Variants in RERE observed in about 807,000 individuals in gnomAD.
RERE encodes arginine-glutamic acid dipeptide repeats, also known as arginine-glutamic acid dipeptide repeats protein.
Under a neutral mutation model 146.1 loss-of-function variants are expected in RERE, and 40 were observed. The observed-to-expected ratio is 0.27, with a 90% confidence interval of 0.21 to 0.36. The LOEUF is 0.36. Ranked by LOEUF, RERE falls within the 10% of genes least tolerant of loss-of-function variation. RERE has a pLI of 1.00. For missense variants in RERE, 1,933 were observed against 2,138.7 expected, an observed-to-expected ratio of 0.90 and a Z score of 1.90; for synonymous variants, 1,003 against 866.0, an observed-to-expected ratio of 1.16 and a Z score of -2.78.
chr1:8,769,478 A>G (rs886440281), intron 1 of RERE, among the ~76,000 whole-genome samples: 1 of 152,094 alleles, frequency 6.6e-6, no homozygotes, highest in Non-Finnish European at 1.5e-5. Flanking sequence ...GATGTAAAAC[A>G]CATCATTTTG....
intron 12 of RERE, among the ~76,000 whole-genome samples, chr1:8,417,052 A>T (rs1240218965): frequency 6.6e-6 from 1 of 152,240 alleles, no homozygotes; most frequent in East Asian, 1.9e-4. Flanking sequence ...ACATTTGCAC[A>T]TTCTCAGTAG....
chr1:8,718,719 G>C (rs900969866), intron 1 of RERE, among the ~76,000 whole-genome samples: 1 of 152,216 alleles, frequency 6.6e-6, no homozygotes, highest in Non-Finnish European at 1.5e-5. Context: ...CTCTAGCTCT[G>C]GAGTCAGATG....
chr1:8,617,097 C>T (rs779183216), intron 3 of RERE, among the ~76,000 whole-genome samples: 2 of 152,074 alleles, frequency 1.3e-5, no homozygotes, highest in Non-Finnish European at 2.9e-5. Context: ...GTAATCCCAA[C>T]ACTTTGGGAG....
rs1327138966 is a variant in RERE, at chr1:8,352,406, G to A, written c.*2681C>T. 2.0e-5 allele frequency: 3 copies of A among 152,448 alleles called. No individual in the cohort carries two copies. Among genetic ancestry groups the A allele is most frequent in the Non-Finnish European group, 2.9e-5 (2 of 68,044 alleles). The allele number at this position is 152,448 out of a possible 1,614,324, so 9.4% of individuals were successfully genotyped here. A position where few individuals can be genotyped will look rare whatever the true frequency, so the allele number is the denominator to read the frequency against. On this transcript the variant is annotated 3_prime_UTR_variant, in exon 23 of 23. Transcript: ENST00000400908. ...AGTGCACGGGAGACACCCAAGGGTT[G>A]TAGTGTAGCTTGGTTTTATTTATGT... is the stretch of plus-strand genomic sequence containing the variant.
intron 10 of RERE, among the ~76,000 whole-genome samples, chr1:8,466,972 T>C (rs1370797277): frequency 6.6e-6 from 1 of 152,234 alleles, no homozygotes; most frequent in Non-Finnish European, 1.5e-5. Context: ...CTCAGAATTC[T>C]CATTGGAAAT....
chr1:8,431,002 A>G (rs1051599955), intron 11 of RERE, among the ~76,000 whole-genome samples: 2 of 152,182 alleles, frequency 1.3e-5, no homozygotes, highest in Admixed American at 6.5e-5. Flanking sequence ...CCAGAGCCAC[A>G]CTGGGTAGGC....
intron 11 of RERE, among the ~76,000 whole-genome samples, chr1:8,443,426 C>T (rs1644276168): frequency 7.6e-6 from 1 of 132,144 alleles, no homozygotes. Flanking sequence ...GCACTCTAGC[C>T]TGAGTGACAG....
chr1:8,685,449 C>T (rs997055869), intron 1 of RERE, among the ~76,000 whole-genome samples: 3 of 152,040 alleles, frequency 2.0e-5, no homozygotes, highest in Non-Finnish European at 4.4e-5. Flanking sequence ...AGGCCGGGCG[C>T]GGTGGCTCAC....
intron 1 of RERE, among the ~76,000 whole-genome samples, chr1:8,720,077 A>G (rs974304238): frequency 1.3e-4 from 20 of 152,006 alleles, no homozygotes; most frequent in African/African-American, 4.6e-4. Context: ...CATCCTGGCC[A>G]ACATGGTGAA....
intron 1 of RERE, among the ~76,000 whole-genome samples, chr1:8,809,716 T>C (rs1388810815): frequency 6.6e-6 from 1 of 152,244 alleles, no homozygotes; most frequent in African/African-American, 2.4e-5. Flanking sequence ...AAAATGTTTT[T>C]CAGAATACAT....
chr1:8,431,876 A>G lies in RERE; in HGVS notation c.1204-9069T>C, dbSNP rs1644100305. 2.0e-5 allele frequency among the ~76,000 whole-genome samples: 3 copies of G among 152,144 alleles called. No homozygotes were observed. In the South Asian group the frequency reaches 6.2e-4, roughly 32 times the overall value. On this transcript the variant is annotated intron_variant, in intron 11 of 22. Coordinates refer to ENST00000400908, the MANE Select transcript of RERE (RefSeq NM_001042681.2). ...TTTCTGTCAGCTGCAGCAGAGTTCT[A>G]GAAGAAGTGCCTGGCGTGCTCTCTG...
At position 8,355,006 on chromosome 1, in the gene RERE, C is replaced by T; in HGVS notation, c.*81G>A. 8 of 1,143,780 alleles carry T rather than the reference C, an allele frequency of 7.0e-6. No homozygotes were observed. The highest frequency in any genetic ancestry group is 1.0e-5 in the Non-Finnish European group (8 of 776,468). The allele number at this position is 1,143,780 out of a possible 1,614,324, so 70.9% of individuals were successfully genotyped here. A position where few individuals can be genotyped will look rare whatever the true frequency, so the allele number is the denominator to read the frequency against. ...TTAGAAGATATTCTTTTTGCTTTTG[C>T]AGCTCCTATTTTATGTAAAAAGTCC... On this transcript the variant is annotated 3_prime_UTR_variant, in exon 23 of 23. Coordinates refer to ENST00000400908, the MANE Select transcript of RERE (RefSeq NM_001042681.2).
At chr1:8,530,018 T>A (rs1370007831) in intron 7 of RERE, among the ~76,000 whole-genome samples, 1 of 152,140 alleles carries the variant, frequency 6.6e-6, no homozygotes, top group Non-Finnish European at 1.5e-5. Context: ...ACTACCCACC[T>A]GGACCTCACT....
intron 10 of RERE, among the ~76,000 whole-genome samples, chr1:8,472,643 G>C (rs1644703340): frequency 2.0e-5 from 3 of 152,182 alleles, no homozygotes; most frequent in Admixed American, 6.5e-5. Flanking sequence ...AGAGTATAGA[G>C]AACTGTACAT....
intron 12 of RERE, among the ~76,000 whole-genome samples, chr1:8,383,312 G>A (rs1300752233): frequency 6.6e-6 from 1 of 150,688 alleles, no homozygotes; most frequent in Non-Finnish European, 1.5e-5. Flanking sequence ...TTACACAATC[G>A]GCAACAGAAT....
intron 11 of RERE, among the ~76,000 whole-genome samples, chr1:8,449,218 C>T (rs1644362329): frequency 6.6e-6 from 1 of 152,174 alleles, no homozygotes; most frequent in Non-Finnish European, 1.5e-5. Flanking sequence ...GAATTATCCA[C>T]ACATCAAGCT....
At chr1:8,662,295 C>G (rs1638473192) in intron 1 of RERE, among the ~76,000 whole-genome samples, 1 of 152,230 alleles carries the variant, frequency 6.6e-6, no homozygotes, top group Admixed American at 6.5e-5. Context: ...AACACCACCC[C>G]CAAACATCTC....
chr1:8,670,855 C>T (rs1384146596), intron 1 of RERE, among the ~76,000 whole-genome samples: 7 of 152,124 alleles, frequency 4.6e-5, no homozygotes, highest in African/African-American at 1.4e-4. Context: ...ATCCGAGGTA[C>T]ATTTTAACAG....
At chr1:8,656,868 T>C (rs1638325702) in intron 1 of RERE, among the ~76,000 whole-genome samples, 1 of 152,140 alleles carries the variant, frequency 6.6e-6, no homozygotes, top group African/African-American at 2.4e-5. Flanking sequence ...AATCCCAGCA[T>C]TTTGAGAGGC....
Sources: allele counts gnomAD v4.1 joint callset (sites outside exome capture counted in the v4.1 genomes callset), GRCh38; gene constraint gnomAD v4.1.1; transcripts MANE v1.5; gene names NCBI Gene and HGNC (gene_info 2026-07-23, HGNC 2026-07-21).